RREB1: variants seen among roughly 807,000 people sequenced by gnomAD.
RREB1 encodes the protein ras responsive element binding protein 1, also known as ras-responsive element-binding protein 1.
RREB1 carries 27 observed loss-of-function variants against 117.8 expected under a neutral mutation model. That is an observed-to-expected ratio of 0.23 (90% CI 0.17 to 0.32). RREB1 has a LOEUF of 0.32. Ranked by LOEUF, RREB1 falls within the 10% of genes least tolerant of loss-of-function variation. The pLI is 1.00. For synonymous variants in RREB1, 1,298 were observed against 1,026.7 expected, an observed-to-expected ratio of 1.26 and a Z score of -5.05; for missense variants, 2,577 against 2,378.2, an observed-to-expected ratio of 1.08 and a Z score of -1.74.
chr6:7,117,341 G>A (rs1761445271), intron 1 of RREB1, among the ~76,000 whole-genome samples: 1 of 149,680 alleles, frequency 6.7e-6, no homozygotes, highest in Non-Finnish European at 1.5e-5. Flanking sequence ...AGGAAGATGG[G>A]GTGGGTGTTC....
chr6:7,208,392 G>A (rs1766392137), intron 6 of RREB1, among the ~76,000 whole-genome samples: 1 of 152,204 alleles, frequency 6.6e-6, no homozygotes, highest in South Asian at 2.1e-4. Flanking sequence ...CGTCAGACCT[G>A]GCCGGACCCC....
At chr6:7,132,316 A>G (rs577762839) in intron 1 of RREB1, among the ~76,000 whole-genome samples, 23 of 152,066 alleles carry the variant, frequency 1.5e-4, no homozygotes, top group African/African-American at 4.3e-4. Context: ...CGGCCTTCCA[A>G]AGTGCTGGGA....
chr6:7,125,439 G>A (rs554450068), intron 1 of RREB1, among the ~76,000 whole-genome samples: 35 of 152,308 alleles, frequency 2.3e-4, no homozygotes, highest in African/African-American at 8.2e-4. Flanking sequence ...TCCTCCATGT[G>A]GTTAATGGGG....
intron 2 of RREB1, among the ~76,000 whole-genome samples, chr6:7,179,722 A>G (rs570170158): frequency 6.6e-6 from 1 of 152,298 alleles, no homozygotes; most frequent in Non-Finnish European, 1.5e-5. Context: ...TTGTGTCTAC[A>G]TGTTTTTTCC....
At chr6:7,181,605 G>A in intron 3 of RREB1, 1 of 575,194 alleles carries the variant, frequency 1.7e-6, no homozygotes. Flanking sequence ...AGGAAAGGTA[G>A]AGAAACCTGC....
intron 6 of RREB1, among the ~76,000 whole-genome samples, chr6:7,196,234 T>G (rs1304135914): frequency 1.0e-4 from 15 of 148,798 alleles, no homozygotes; most frequent in Non-Finnish European, 1.6e-4. Context: ...TTTTTTTGTT[T>G]TTTTTTTTTT....
At chr6:7,220,795 C>A (rs970311964) in intron 8 of RREB1, among the ~76,000 whole-genome samples, 17 of 152,222 alleles carry the variant, frequency 1.1e-4, no homozygotes, top group South Asian at 2.1e-4. Context: ...TCTTTATGAG[C>A]CCCTGGCAGA....
At chr6:7,219,679 C>T (rs1767124762) in intron 8 of RREB1, among the ~76,000 whole-genome samples, 1 of 152,134 alleles carries the variant, frequency 6.6e-6, no homozygotes, top group South Asian at 2.1e-4. Context: ...ACAGTAAGGG[C>T]TGTGACAGTG....
rs759826033 is a variant in RREB1 at position 7,229,754 on chromosome 6, G to A, written c.1655G>A (p.Gly552Asp). The A allele has an allele frequency of 4.4e-6, 7 of 1,605,104 alleles. No individual in the cohort carries two copies. The highest frequency in any genetic ancestry group is 6.0e-6 in the Non-Finnish European group (7 of 1,174,238). The change falls in exon 10 of 13, where the codon GGC becomes GAC. Residue 552 changes from glycine to aspartate, a missense_variant. By Grantham distance (94) the Gly-to-Asp change is moderately conservative (BLOSUM62 -1). Transcript: ENST00000379938. The surrounding 1 kb of genome is among the most constrained non-coding windows in gnomAD (Gnocchi z 4.5). ...LPPPPLKLLK[G>D]SVEAASNAHL... ...CCACCGCCCCTGAAGCTCCTCAAAG[G>A]CTCAGTGGAGGCGGCCTCCAACGCC...
rs779299643 is a variant in RREB1, at chr6:7,187,445, G to T, written c.183G>T (p.Glu61Asp). ...RIGRRNQETK[E>D]EKSSYNCPLC... ...ATCTTTCTTTTTAGGAAACGAAAGA[G>T]GAGAAGTCTTCCTATAACTGCCCCC... Residue 61 changes from glutamate (E) to aspartate (D), a missense_variant, in exon 5 of 13, where the codon GAG becomes GAT. By Grantham distance (45) the Glu-to-Asp change is conservative. Coordinates refer to ENST00000379938, the MANE Select transcript of RREB1 (RefSeq NM_001003699.4). 5.0e-6 allele frequency: 8 copies of T among 1,600,658 alleles called. No homozygotes were observed. Among genetic ancestry groups the T allele is most frequent in the South Asian group, 1.1e-5 (1 of 89,810 alleles).
chr6:7,110,494 G>GTGTGTGTGTGTGTGTA (rs780372991), intron 1 of RREB1, among the ~76,000 whole-genome samples: 75 of 152,220 alleles, frequency 4.9e-4, no homozygotes, highest in African/African-American at 1.6e-3. Flanking sequence ...GTGTGTGTGT[G>GTGTGTGTGTGTGTGTA]TGTATGTGTT....
intron 2 of RREB1, among the ~76,000 whole-genome samples, chr6:7,180,324 AT>A (rs1043344947): frequency 6.6e-6 from 1 of 152,152 alleles, no homozygotes; most frequent in African/African-American, 2.4e-5. Flanking sequence ...GCTAGGTCAT[AT>A]CCCCTAAAGT....
At chr6:7,145,742 G>A (rs1023123760) in intron 1 of RREB1, among the ~76,000 whole-genome samples, 3 of 151,408 alleles carry the variant, frequency 2.0e-5, no homozygotes, top group African/African-American at 4.9e-5. Context: ...CCCAGTAGCT[G>A]ATAGTGGAAG....
chr6:7,204,200 A>G (rs1040675032), intron 6 of RREB1, among the ~76,000 whole-genome samples: 2 of 152,208 alleles, frequency 1.3e-5, no homozygotes, highest in South Asian at 2.1e-4. Context: ...CTTCCGGACA[A>G]GCATGACTGA....
At chr6:7,159,400 C>T (rs1763539731) in intron 1 of RREB1, among the ~76,000 whole-genome samples, 1 of 152,192 alleles carries the variant, frequency 6.6e-6, no homozygotes, top group Admixed American at 6.5e-5. Flanking sequence ...CAACATCATT[C>T]CTGGAATAAC....
chr6:7,119,758 T>G (rs960484307), intron 1 of RREB1, among the ~76,000 whole-genome samples: 4 of 152,144 alleles, frequency 2.6e-5, no homozygotes, highest in African/African-American at 4.8e-5. Context: ...TTTTTAAAGA[T>G]TATTCCTACC....
At position 7,230,630 on chromosome 6, in the gene RREB1, G is replaced by A. The variant is rs772424807; in HGVS notation, c.2531G>A (p.Arg844His). 3 of 1,604,594 alleles carry A rather than the reference G, an allele frequency of 1.9e-6. No homozygotes were observed. In the Admixed American group the frequency reaches 5.1e-5, roughly 27 times the overall value. Residue 844 changes from arginine to histidine, a missense_variant, in exon 10 of 13, where the codon CGC (arginine) becomes CAC (histidine). Transcript: ENST00000379938. ...AEAPAAEASG[R>H]GEDSGCAALG... ...GCGCCGGCCGCTGAGGCGTCGGGGC[G>A]CGGGGAGGACAGTGGCTGCGCTGCC...
In RREB1 at chr6:7,231,866, C is replaced by G. The variant is rs773472254; in HGVS notation, c.3767C>G (p.Pro1256Arg). 3 of 1,612,564 alleles carry G rather than the reference C, an allele frequency of 1.9e-6. No individual in the cohort carries two copies. Among genetic ancestry groups the G allele is most frequent in the Non-Finnish European group, 2.5e-6 (3 of 1,179,476 alleles). ...ITCPHCPRVF[P>R]WASSLQRHML... ...TGTCCCCACTGTCCCCGGGTTTTCC[C>G]TTGGGCCAGCTCCCTACAGAGGCAC... Residue 1256 changes from proline to arginine, a missense_variant, in exon 10 of 13, where the codon CCT becomes CGT. Transcript: ENST00000379938.
In RREB1 at chr6:7,231,446, C is replaced by T. The variant is rs746753268; in HGVS notation, c.3347C>T (p.Thr1116Ile). ...GTCCCCAAAGCCGCCACCACCGCCA[C>T]CCCCGCTGCCACCACCAGCCCAAAA... is the stretch of plus-strand genomic sequence containing the variant. Reference protein sequence around the residue: ...GSVPKAATTATPAATTSPKES... With the variant: ...GSVPKAATTAIPAATTSPKES... The change falls in exon 10 of 13, where the codon ACC becomes ATC. Residue 1116 changes from threonine to isoleucine, a missense_variant. Transcript: ENST00000379938. 18 of 1,613,112 alleles carry T rather than the reference C, an allele frequency of 1.1e-5. No individual in the cohort carries two copies. The highest frequency in any genetic ancestry group is 1.7e-5 in the Admixed American group (1 of 60,012).
Sources: allele counts gnomAD v4.1 joint callset (sites outside exome capture counted in the v4.1 genomes callset), GRCh38; gene constraint gnomAD v4.1.1; non-coding constraint Gnocchi (gnomAD v3.1); transcripts MANE v1.5; gene names NCBI Gene and HGNC (gene_info 2026-07-23, HGNC 2026-07-21).